The following ADAM32 variants were observed in gnomAD, a reference collection of about 807,000 sequenced individuals.
ADAM32 encodes the protein ADAM metallopeptidase domain 32.
ADAM32 carries 89 observed loss-of-function variants against 114.9 expected under a neutral mutation model. The ratio of observed to expected loss-of-function variants is 0.77; its 90% CI spans 0.65 to 0.92. ADAM32 has a LOEUF of 0.92. Among genes scored for constraint, ADAM32 ranks in the 40% least tolerant of loss-of-function variants. The probability of loss-of-function intolerance (pLI) is 0.00; values close to 1 mark genes in which losing one functional copy is unlikely to be tolerated. For missense variants in ADAM32, 870 were observed against 932.8 expected (o/e 0.93, Z 0.88); for synonymous variants, 285 against 307.5 (o/e 0.93, Z 0.77).
chr8:39,198,841 A>G (rs1420097148), intron 11 of ADAM32, among the ~76,000 whole-genome samples: 1 of 151,300 alleles, frequency 6.6e-6, no homozygotes, highest in Non-Finnish European at 1.5e-5. Context: ...GATGGTAGCT[A>G]TTCTCCTTTT....
At chr8:39,124,449 G>C (rs1234846700) in intron 2 of ADAM32, among the ~76,000 whole-genome samples, 1 of 144,686 alleles carries the variant, frequency 6.9e-6, no homozygotes, top group Non-Finnish European at 1.5e-5. Context: ...ACGGAGTCTT[G>C]CTCTGTCGAC....
intron 13 of ADAM32, among the ~76,000 whole-genome samples, chr8:39,221,969 A>G (rs1809003486): frequency 6.6e-6 from 1 of 151,944 alleles, no homozygotes; most frequent in Admixed American, 6.6e-5. Context: ...CCTCTATTGA[A>G]TGGAACAATT....
chr8:39,121,532 T>C (rs1460328375), intron 2 of ADAM32, among the ~76,000 whole-genome samples: 2 of 152,000 alleles, frequency 1.3e-5, no homozygotes, highest in Non-Finnish European at 2.9e-5. Flanking sequence ...CAAACCACCA[T>C]GGCACGTGCA....
At chr8:39,128,080 T>C (rs917142006) in intron 2 of ADAM32, among the ~76,000 whole-genome samples, 5 of 152,112 alleles carry the variant, frequency 3.3e-5, no homozygotes, top group African/African-American at 1.2e-4. Flanking sequence ...TCTTTGTTAA[T>C]TTTCTGTTTC....
At chr8:39,283,770 T>TC (rs1813595446) in intron 24 of ADAM32, 146 bp downstream of exon 24, 2 of 460,066 alleles carry the variant, frequency 4.3e-6, no homozygotes, top group Admixed American at 1.0e-4. Flanking sequence ...TTTCTTTTAT[T>TC]CTTTTTTTTT....
chr8:39,157,549 C>G, intron 6 of ADAM32: 1 of 503,582 alleles, frequency 2.0e-6, no homozygotes, highest in Non-Finnish European at 3.9e-6. Flanking sequence ...TAAGCTCCTT[C>G]TTCCTTTGCA....
intron 12 of ADAM32, among the ~76,000 whole-genome samples, chr8:39,219,610 C>T (rs560641810): frequency 1.3e-5 from 2 of 152,312 alleles, no homozygotes; most frequent in Non-Finnish European, 2.9e-5. Context: ...TTCTCCGCAC[C>T]ATGAAGCTGC....
intron 2 of ADAM32, among the ~76,000 whole-genome samples, chr8:39,129,002 T>A (rs1001188635): frequency 5.3e-5 from 8 of 152,212 alleles, no homozygotes; most frequent in Non-Finnish European, 1.0e-4. Flanking sequence ...GAAATGCTCC[T>A]TTAATTTGAT....
intron 2 of ADAM32, among the ~76,000 whole-genome samples, chr8:39,133,476 C>G (rs766149632): frequency 1.3e-3 from 204 of 152,230 alleles, no homozygotes; most frequent in Non-Finnish European, 2.2e-3. Context: ...GGAAACCAGG[C>G]AAGCCAGTCT....
At chr8:39,194,216 C>T (rs1008472525) in intron 11 of ADAM32, among the ~76,000 whole-genome samples, 3 of 152,000 alleles carry the variant, frequency 2.0e-5, no homozygotes, top group South Asian at 2.1e-4. Context: ...TGTGCACACT[C>T]GCGTGGTTAG....
chr8:39,154,254 T>C (rs773749661), intron 6 of ADAM32, among the ~76,000 whole-genome samples: 2 of 152,136 alleles, frequency 1.3e-5, no homozygotes. Context: ...GTGTTCTCAT[T>C]GTTCATCTCC....
intron 4 of ADAM32, among the ~76,000 whole-genome samples, chr8:39,148,298 G>A (rs1035375540): frequency 7.2e-5 from 11 of 152,060 alleles, no homozygotes; most frequent in Non-Finnish European, 1.5e-4. Flanking sequence ...TAATAGCTAT[G>A]TTCTCCTTTC....
At chr8:39,136,117 G>T (rs1048043984) in intron 2 of ADAM32, among the ~76,000 whole-genome samples, 4 of 152,096 alleles carry the variant, frequency 2.6e-5, no homozygotes, top group African/African-American at 9.7e-5. Flanking sequence ...CATCACTGAG[G>T]TTCACTGACC....
At chr8:39,234,676 C>T (rs532799067) in intron 16 of ADAM32, among the ~76,000 whole-genome samples, 14 of 152,226 alleles carry the variant, frequency 9.2e-5, no homozygotes, top group South Asian at 6.2e-4. Context: ...CTATTATTGC[C>T]GATTGTTATC....
chr8:39,107,576 G>A (rs1839975200), upstream of ADAM32: 1 of 1,387,428 alleles, frequency 7.2e-7, no homozygotes, highest in East Asian at 2.8e-5. Context: ...AAGGGAGCTG[G>A]ATGTTTTAGC....
chr8:39,156,629 T>A (rs1406998017), intron 6 of ADAM32, among the ~76,000 whole-genome samples: 1 of 152,220 alleles, frequency 6.6e-6, no homozygotes, highest in Non-Finnish European at 1.5e-5. Flanking sequence ...ACTGGGTAGC[T>A]TAAACAAGGA....
intron 7 of ADAM32, among the ~76,000 whole-genome samples, chr8:39,163,039 C>T (rs1263718781): frequency 1.3e-5 from 2 of 152,104 alleles, no homozygotes; most frequent in African/African-American, 2.4e-5. Flanking sequence ...TCATAGTATT[C>T]ATATTTTCTT....
chr8:39,282,374 C>G (rs946034100), intron 23 of ADAM32, among the ~76,000 whole-genome samples: 1 of 152,122 alleles, frequency 6.6e-6, no homozygotes, highest in Non-Finnish European at 1.5e-5. Context: ...CTCTAATTGT[C>G]CCCTTACATT....
chr8:39,264,095 C>A (rs2129451009), intron 19 of ADAM32, among the ~76,000 whole-genome samples: 1 of 152,220 alleles, frequency 6.6e-6, no homozygotes, highest in East Asian at 1.9e-4. Flanking sequence ...CTGTCTATCC[C>A]CAGATTACCA....
Sources: allele counts gnomAD v4.1 joint callset (sites outside exome capture counted in the v4.1 genomes callset), GRCh38; gene constraint gnomAD v4.1.1; transcripts MANE v1.5; gene names NCBI Gene and HGNC (gene_info 2026-07-23, HGNC 2026-07-21).